PSMB9: variants seen among roughly 807,000 people sequenced by gnomAD.
The protein encoded by PSMB9 is proteasome subunit beta type-9.
A neutral mutation model predicts 26.9 loss-of-function variants in PSMB9; 16 were observed. That is an observed-to-expected ratio of 0.59 (90% CI 0.40 to 0.90). PSMB9 has a LOEUF of 0.90. Ranked by LOEUF, PSMB9 falls within the 40% of genes least tolerant of loss-of-function variation. PSMB9 has a pLI of 0.00. For missense variants in PSMB9, 253 were observed against 292.2 expected (o/e 0.87, Z 0.98); for synonymous variants, 91 against 112.0 (o/e 0.81, Z 1.18).
chr6:32,854,279 T>A lies in PSMB9; in HGVS notation c.50T>A (p.Val17Asp). The A allele has an allele frequency of 1.6e-5, 24 of 1,514,926 alleles. No individual in the cohort carries two copies. The highest frequency in any genetic ancestry group is 2.1e-5 in the Non-Finnish European group (24 of 1,133,942). The allele number at this position is 1,514,926 out of a possible 1,614,324, so 93.8% of individuals were successfully genotyped here. ...GGGGACTTACCCCGGGCGGGAGAAG[T>A]CCACACCGGGGTAATGGGTCTGGGC... The part of the protein sequence containing the change: ...PTGDLPRAGE[V>D]HTGTTIMAVE... Residue 17 changes from valine (V) to aspartate (D), a missense_variant, in exon 1 of 6, where the codon GTC (valine) becomes GAC (aspartate). Transcript: ENST00000374859. This position sits in a 1 kb window ranked among gnomAD's most constrained non-coding sequence, Gnocchi z 4.6.
In PSMB9 at chr6:32,859,418, C is replaced by T. The variant is rs754138963; in HGVS notation, c.546C>T (p.Ala182=). Residue 182 remains alanine (A), a synonymous_variant, in exon 6 of 6, where the codon GCC becomes GCT. Transcript: ENST00000374859. ...AACCCTCTGCAGCTATTGCTCTGGC[C>T]ATGAGCCGGGATGGCTCAAGCGGGG... The part of the protein sequence containing the change: ...RRFTTDAIAL[A]MSRDGSSGGV... 7 of 1,611,974 alleles carry T rather than the reference C, an allele frequency of 4.3e-6. No individual in the cohort carries two copies. The highest frequency in any genetic ancestry group is 1.1e-5 in the South Asian group (1 of 90,420).
intron 3 of PSMB9, chr6:32,857,657 T>G (rs1582655926): frequency 1.9e-6 from 1 of 523,496 alleles, no homozygotes; most frequent in East Asian, 3.1e-5. Context: ...ATATAAATAA[T>G]CAGGAAGAAG....
rs1210204338 is a variant in PSMB9 at position 32,854,312 on chromosome 6, T to C, written c.60+23T>C. The C allele has an allele frequency of 2.1e-6, 3 of 1,462,734 alleles. No individual in the cohort carries two copies. Among genetic ancestry groups the C allele is most frequent in the Non-Finnish European group, 2.7e-6 (3 of 1,108,644 alleles). The allele number at this position is 1,462,734 out of a possible 1,614,324, so 90.6% of individuals were successfully genotyped here. A position where few individuals can be genotyped will look rare whatever the true frequency, so the allele number is the denominator to read the frequency against. On this transcript the variant is annotated intron_variant, in intron 1 of 5. Transcript: ENST00000374859. This position sits in a 1 kb window ranked among gnomAD's most constrained non-coding sequence, Gnocchi z 4.6. ...GGGGTAATGGGTCTGGGCTTGAGGG[T>C]TGGCAGAGGGGTGGAGGAGATGCAG...
intron 1 of PSMB9, among the ~76,000 whole-genome samples, chr6:32,855,811 C>T (rs1297171443): frequency 6.6e-6 from 1 of 152,276 alleles, no homozygotes; most frequent in East Asian, 1.9e-4. Flanking sequence ...TTTTCACTTG[C>T]GGAGCTGCTT....
At chr6:32,856,102 T>C in intron 1 of PSMB9, 36 bp from the exon 2 acceptor site, 1 of 1,582,602 alleles carries the variant, frequency 6.3e-7, no homozygotes, top group South Asian at 1.1e-5. Flanking sequence ...TCAAGGCTGT[T>C]CTTGCCCTGA....
Position 32,858,800 on chromosome 6 carries a change from T to C in PSMB9, c.532+295T>C. On this transcript the variant is annotated intron_variant, in intron 5 of 5. Transcript: ENST00000374859. This position sits in a 1 kb window ranked among gnomAD's most constrained non-coding sequence, Gnocchi z 5.2. ...CTGTAATGCCAACAATTTGGGAGGC[T>C]GAGGCAGGAGGATTACTTGAGCCCA... 1 of 485,726 alleles carries C rather than the reference T, an allele frequency of 2.1e-6. No homozygotes were observed. Among genetic ancestry groups the C allele is most frequent in the Non-Finnish European group, 3.7e-6 (1 of 267,710 alleles). The allele number at this position is 485,726 out of a possible 1,614,324, so 30.1% of individuals were successfully genotyped here. A position where few individuals can be genotyped will look rare whatever the true frequency, so the allele number is the denominator to read the frequency against.
chr6:32,858,336 T>A lies in PSMB9; in HGVS notation c.391-28T>A, dbSNP rs78189837. The A allele has an allele frequency of 1.1e-3, 1,842 of 1,612,730 alleles. 22 individuals carry two copies. The African/African-American group carries it at 0.022, about 19-fold the overall frequency. The stretch of plus-strand genomic sequence containing the variant: ...TCAGTGGGAAGGAAGGGCTTGATGA[T>A]TCTTTAACCTGAGGATCCCTTTCCC... On this transcript the variant is annotated intron_variant, in intron 4 of 5. Transcript: ENST00000374859. The surrounding 1 kb of genome is among the most constrained non-coding windows in gnomAD (Gnocchi z 5.2).
Position 32,854,788 on chromosome 6 carries a change from C to G in PSMB9, c.60+499C>G, listed in dbSNP as rs59501305. On this transcript the variant is annotated intron_variant, in intron 1 of 5. Coordinates refer to ENST00000374859, the MANE Select transcript of PSMB9 (RefSeq NM_002800.5). The surrounding 1 kb of genome is among the most constrained non-coding windows in gnomAD (Gnocchi z 4.6). ...TCTTAGCCCAAGCACTGATAATGGG[C>G]GTTCTGTGTTAACTAGTGATGCCCT... 8.2e-3 allele frequency among the ~76,000 whole-genome samples: 1,245 copies of G among 152,314 alleles called. 22 individuals carry two copies. Among genetic ancestry groups the G allele is most frequent in the African/African-American group, 0.026 (1,077 of 41,554 alleles).
In PSMB9 at chr6:32,859,511, G is replaced by A. The variant is rs2127400664; in HGVS notation, c.639G>A (p.Leu213=). ...VDHRVILGNE[L]PKFYDE The stretch of plus-strand genomic sequence containing the variant: ...ATCGAGTCATCTTGGGCAATGAACT[G>A]CCAAAATTCTATGATGAGTGAACCT... The change falls in exon 6 of 6, where the codon CTG becomes CTA. Residue 213 remains leucine, a synonymous_variant. Coordinates refer to ENST00000374859, the MANE Select transcript of PSMB9 (RefSeq NM_002800.5). 16 of 1,613,542 alleles carry A rather than the reference G, an allele frequency of 9.9e-6. No homozygotes were observed. Among genetic ancestry groups the A allele is most frequent in the Non-Finnish European group, 1.4e-5 (16 of 1,179,854 alleles).
Position 32,854,388 on chromosome 6 carries a change from C to G in PSMB9, c.60+99C>G. On this transcript the variant is annotated intron_variant, in intron 1 of 5. Coordinates refer to ENST00000374859, the MANE Select transcript of PSMB9 (RefSeq NM_002800.5). The surrounding 1 kb of genome is among the most constrained non-coding windows in gnomAD (Gnocchi z 4.6). ...GCGGAGAAGTGAATGCAGAGACCAACGGGAGCGCAGGGAGGTCGCCTGTAG... is the reference window on the plus strand; with the variant it reads ...GCGGAGAAGTGAATGCAGAGACCAAGGGGAGCGCAGGGAGGTCGCCTGTAG... 4.2e-6 allele frequency: 5 copies of G among 1,204,624 alleles called. No individual in the cohort carries two copies. The highest frequency in any genetic ancestry group is 5.6e-6 in the Non-Finnish European group (5 of 892,100). The allele number at this position is 1,204,624 out of a possible 1,614,324, so 74.6% of individuals were successfully genotyped here.
intron 3 of PSMB9, 74 bp downstream of exon 3, chr6:32,857,468 C>A: frequency 6.8e-7 from 1 of 1,481,018 alleles, no homozygotes; most frequent in Non-Finnish European, 9.0e-7. Context: ...GTACAGTGTG[C>A]TGTTCCAGGA....
rs1261103961 is a variant in PSMB9, at chr6:32,854,569, C to G, written c.60+280C>G. Among the ~76,000 whole-genome samples the G allele has an allele frequency of 6.6e-6, 1 of 151,342 alleles. No homozygotes were observed. The highest frequency in any genetic ancestry group is 1.5e-5 in the Non-Finnish European group (1 of 67,952). ...GCGTCAACGGGAAGCTACTCTAAAG[C>G]GCTTTCGCTTTCACTCTGGTCCCGG... On this transcript the variant is annotated intron_variant, in intron 1 of 5. Transcript: ENST00000374859. The surrounding 1 kb of genome is among the most constrained non-coding windows in gnomAD (Gnocchi z 4.6).
chr6:32,856,156 G>C lies in PSMB9; in HGVS notation c.79G>C (p.Glu27Gln). ...TCTGCAGACCACCATCATGGCAGTG[G>C]AGTTTGACGGGGGCGTTGTGATGGG... ...VHTGTTIMAV[E>Q]FDGGVVMGSD... is the part of the protein sequence containing the mutation. The change falls in exon 2 of 6, where the codon GAG (glutamate) becomes CAG (glutamine). Residue 27 changes from glutamate (E) to glutamine (Q), a missense_variant. By Grantham distance (29) the Glu-to-Gln change is conservative. Transcript: ENST00000374859. The C allele has an allele frequency of 6.2e-7, 1 of 1,613,032 alleles. No homozygotes were observed.
In PSMB9 at chr6:32,859,552, T is replaced by C; in HGVS notation, c.*20T>C. ...GAGTGAACCTTCCCCAGACTTCTCTTTCTTATTTTGTAATAAACTCTCTAG... is the reference window on the plus strand; with the variant it reads ...GAGTGAACCTTCCCCAGACTTCTCTCTCTTATTTTGTAATAAACTCTCTAG... On this transcript the variant is annotated 3_prime_UTR_variant, in exon 6 of 6. Transcript: ENST00000374859. 1 of 1,611,372 alleles carries C rather than the reference T, an allele frequency of 6.2e-7. No homozygotes were observed. Among genetic ancestry groups the C allele is most frequent in the South Asian group, 1.1e-5 (1 of 90,474 alleles).
chr6:32,857,775 C>T, intron 3 of PSMB9: 1 of 583,434 alleles, frequency 1.7e-6, no homozygotes, highest in Non-Finnish European at 3.0e-6. Flanking sequence ...AGGGTCCTTG[C>T]AGCCAAAAGA....
At chr6:32,856,048 C>T (rs1771145344) in intron 1 of PSMB9, 90 bp from the exon 2 acceptor site, 1 of 1,200,088 alleles carries the variant, frequency 8.3e-7, no homozygotes, top group Non-Finnish European at 1.2e-6. Flanking sequence ...GAGCCAGTCA[C>T]TTCGCCTCTC....
At chr6:32,856,100 G>A (rs1406047906) in intron 1 of PSMB9, 38 bp from the exon 2 acceptor site, 1 of 1,572,762 alleles carries the variant, frequency 6.4e-7, no homozygotes. Context: ...CATCAAGGCT[G>A]TTCTTGCCCT....
intron 3 of PSMB9, 46 bp from the exon 4 acceptor site, chr6:32,857,959 T>G: frequency 1.4e-5 from 22 of 1,610,550 alleles, no homozygotes; most frequent in Non-Finnish European, 1.8e-5. Flanking sequence ...TATAGGAGAA[T>G]GAGACTTAAA....
intron 1 of PSMB9, among the ~76,000 whole-genome samples, chr6:32,855,135 G>C (rs1455438970): frequency 6.6e-6 from 1 of 152,152 alleles, no homozygotes; most frequent in Non-Finnish European, 1.5e-5. Flanking sequence ...AGTAACTTAC[G>C]GCCTGGTAAG....
Sources: allele counts gnomAD v4.1 joint callset (sites outside exome capture counted in the v4.1 genomes callset), GRCh38; gene constraint gnomAD v4.1.1; non-coding constraint Gnocchi (gnomAD v3.1); transcripts MANE v1.5; gene names NCBI Gene and HGNC (gene_info 2026-07-23, HGNC 2026-07-21).